Variants in NUP214 observed in about 807,000 individuals in gnomAD.
NUP214 encodes nucleoporin 214.
A neutral mutation model predicts 196.2 loss-of-function variants in NUP214; 79 were observed. The observed-to-expected ratio is 0.40, with a 90% CI of 0.34 to 0.49. The LOEUF (loss-of-function observed/expected upper bound fraction) is 0.49, where lower values mean the gene tolerates loss of function less well. Among genes scored for constraint, NUP214 ranks in the 20% least tolerant of loss-of-function variants. The pLI is 0.58. For missense variants in NUP214, 2,468 were observed against 2,539.0 expected (o/e 0.97, Z 0.60); for synonymous variants, 1,020 against 990.5 (o/e 1.03, Z -0.56).
intron 14 of NUP214, among the ~76,000 whole-genome samples, chr9:131,148,502 A>T (rs1473000619): frequency 6.6e-6 from 1 of 152,118 alleles, no homozygotes; most frequent in African/African-American, 2.4e-5. Flanking sequence ...TGGGTCATAG[A>T]ATCTGCATGT....
chr9:131,198,252 C>G lies in NUP214; in HGVS notation c.4758C>G (p.Ser1586=). 1.9e-6 allele frequency: 3 copies of G among 1,614,218 alleles called. No homozygotes were observed. The highest frequency in any genetic ancestry group is 2.5e-6 in the Non-Finnish European group (3 of 1,180,048). The change falls in exon 29 of 36, where the codon TCC becomes TCG. Residue 1586 remains serine, a synonymous_variant. Coordinates refer to ENST00000359428, the MANE Select transcript of NUP214 (RefSeq NM_005085.4). ...DARTEAVPPA[S]SFSVPGQTAV... The stretch of plus-strand genomic sequence containing the variant: ...GGACGGAGGCAGTACCACCTGCTTC[C>G]TCCTTTTCTGTGCCTGGGCAGACTG...
At position 131,232,413 on chromosome 9, in the gene NUP214, GT is replaced by G; in HGVS notation, c.6239+110del. 8.2e-7 allele frequency: 1 copy of G among 1,219,006 alleles called. No homozygotes were observed. 75.5% of individuals were successfully genotyped at this position (1,219,006 alleles called of 1,614,324 possible). On this transcript the variant is annotated intron_variant, in intron 35 of 35. Transcript: ENST00000359428. The surrounding 1 kb of genome is among the most constrained non-coding windows in gnomAD (Gnocchi z 5.1). ...GTGCATTTTCTTTTCGTTTTTTCCTGTTTTTAGAGTTTGTCCTGGAAGTGTG... is the reference window on the plus strand; with the variant it reads ...GTGCATTTTCTTTTCGTTTTTTCCTGTTTTAGAGTTTGTCCTGGAAGTGTG...
chr9:131,130,696 C>A, intron 4 of NUP214, 70 bp from the exon 5 acceptor site: 1 of 1,298,180 alleles, frequency 7.7e-7, no homozygotes. Context: ...TGATAATTAG[C>A]TGTGTGTGAT....
At position 131,198,209 on chromosome 9, in the gene NUP214, C is replaced by G; in HGVS notation, c.4715C>G (p.Thr1572Arg). 1 of 1,614,234 alleles carries G rather than the reference C, an allele frequency of 6.2e-7. No homozygotes were observed. The change falls in exon 29 of 36, where the codon ACG becomes AGG. Residue 1572 changes from threonine to arginine, a missense_variant. This residue lies in a region of NUP214 where 1,801 missense variants were observed against 1,779.4 expected (regional missense o/e 1.01). Transcript: ENST00000359428. ...ALSAEATPAT[T>R]GVPDARTEAV... ...TCTGCAGAGGCTACCCCAGCCACCA[C>G]GGGGGTCCCTGATGCCAGGACGGAG... is the stretch of plus-strand genomic sequence containing the variant.
chr9:131,134,369 A>G (rs907718299), intron 7 of NUP214, among the ~76,000 whole-genome samples: 1 of 152,212 alleles, frequency 6.6e-6, no homozygotes, highest in African/African-American at 2.4e-5. Flanking sequence ...TTGTGTGTCA[A>G]GGGAGGCCAA....
At position 131,133,192 on chromosome 9, in the gene NUP214, G is replaced by T; in HGVS notation, c.814G>T (p.Val272Leu). 6.3e-7 allele frequency: 1 copy of T among 1,581,996 alleles called. No individual in the cohort carries two copies. Among genetic ancestry groups the T allele is most frequent in the Non-Finnish European group, 8.6e-7 (1 of 1,168,594 alleles). The change falls in exon 7 of 36, where the codon GTG becomes TTG. Residue 272 changes from valine (V) to leucine (L), a missense_variant. Transcript: ENST00000359428. ...GACCCTGGAAACGTCTCCAGATGTG[G>T]TGATGGCTCTACTACCGGTATGCCT... is the stretch of plus-strand genomic sequence containing the variant. ...DGTLETSPDVVMALLPKKEEK... is the reference protein window; with the variant it reads ...DGTLETSPDVLMALLPKKEEK...
chr9:131,184,862 G>T (rs1404084107), intron 24 of NUP214, among the ~76,000 whole-genome samples: 1 of 152,180 alleles, frequency 6.6e-6, no homozygotes, highest in Non-Finnish European at 1.5e-5. Context: ...CCCAAGAATT[G>T]AATATAGAGT....
intron 24 of NUP214, among the ~76,000 whole-genome samples, chr9:131,182,578 T>A (rs1160428985): frequency 6.6e-6 from 1 of 152,220 alleles, no homozygotes; most frequent in East Asian, 1.9e-4. Context: ...AAATTGTCTT[T>A]CACAAAACCA....
At chr9:131,200,262 C>G (rs1322480614) in intron 29 of NUP214, among the ~76,000 whole-genome samples, 2 of 152,366 alleles carry the variant, frequency 1.3e-5, no homozygotes, top group African/African-American at 4.8e-5. Flanking sequence ...TCTAAGCTCA[C>G]CTACCCAATC....
At position 131,125,632 on chromosome 9, in the gene NUP214, C is replaced by G. The variant is rs1182788577; in HGVS notation, c.-73C>G. 1.3e-6 allele frequency: 2 copies of G among 1,539,980 alleles called. No homozygotes were observed. The highest frequency in any genetic ancestry group is 2.5e-5 in the East Asian group (1 of 39,400). ...GCGCTGAGGGGAGGAAGTTTGCTGT[C>G]GAGCGGCCTGGGTTCCGTGGGCAAG... On this transcript the variant is annotated 5_prime_UTR_variant, in exon 1 of 36. Coordinates refer to ENST00000359428, the MANE Select transcript of NUP214 (RefSeq NM_005085.4). This position sits in a 1 kb window ranked among gnomAD's most constrained non-coding sequence, Gnocchi z 4.1.
chr9:131,218,252 G>GTA (rs1476994977), intron 31 of NUP214, among the ~76,000 whole-genome samples: 1 of 152,170 alleles, frequency 6.6e-6, no homozygotes, highest in African/African-American at 2.4e-5. Flanking sequence ...GGTACTAGGT[G>GTA]TATGATTCAA....
At chr9:131,178,843 A>G (rs1467624159) in intron 24 of NUP214, among the ~76,000 whole-genome samples, 1 of 150,040 alleles carries the variant, frequency 6.7e-6, no homozygotes, top group Non-Finnish European at 1.5e-5. Context: ...TGTTCTTCCC[A>G]TTTCTTTTGC....
At chr9:131,174,443 T>C (rs1300417839) in intron 22 of NUP214, 125 bp downstream of exon 22, 23 of 545,854 alleles carry the variant, frequency 4.2e-5, no homozygotes, top group Admixed American at 1.1e-4. Context: ...TTTTTTTTTT[T>C]TTTCTTTTTT....
intron 31 of NUP214, among the ~76,000 whole-genome samples, chr9:131,221,148 C>T (rs1048826270): frequency 3.3e-5 from 5 of 152,096 alleles, no homozygotes; most frequent in African/African-American, 7.2e-5. Context: ...TGGGCTAGCT[C>T]GATAAGGGGA....
chr9:131,130,132 G>GTTTTTTTTTTTTTTTTTTT (rs1245763919), intron 4 of NUP214, among the ~76,000 whole-genome samples: 6 of 46,550 alleles, frequency 1.3e-4, no homozygotes, highest in Non-Finnish European at 2.6e-4. Flanking sequence ...ATGATTTCTG[G>GTTTTTTTTTTTTTTTTTTT]TTTTGTTTTT....
At position 131,151,717 on chromosome 9, in the gene NUP214, AT is replaced by A; in HGVS notation, c.2278-17del. 4.4e-6 allele frequency: 7 copies of A among 1,590,500 alleles called. No homozygotes were observed. Among genetic ancestry groups the A allele is most frequent in the Non-Finnish European group, 6.0e-6 (7 of 1,172,060 alleles). Reference sequence around the variant, plus strand: ...ACGTAACAACTTTTTGTACCAACACATTATTGTACTTTTTCTAGTCGCTTCA... The same window carrying A: ...ACGTAACAACTTTTTGTACCAACACATATTGTACTTTTTCTAGTCGCTTCA... On this transcript the variant is annotated intron_variant, in intron 16 of 35. Coordinates refer to ENST00000359428, the MANE Select transcript of NUP214 (RefSeq NM_005085.4).
intron 8 of NUP214, 169 bp downstream of exon 8, chr9:131,135,173 TG>T (rs1434764382): frequency 1.8e-6 from 1 of 542,278 alleles, no homozygotes; most frequent in East Asian, 3.0e-5. Flanking sequence ...CACAGAAGCC[TG>T]GAACTCCCAG....
In NUP214 at chr9:131,141,593, C is replaced by T. The variant is rs186725212; in HGVS notation, c.1294+883C>T. On this transcript the variant is annotated intron_variant, in intron 11 of 35. Transcript: ENST00000359428. ...TAATCTCCCAGGCTCAGGCAGTCAC[C>T]TAAGCCTCCCAAGTAGCTGGAACTA... 14 of 151,500 alleles carry T rather than the reference C, an allele frequency of 9.2e-5. No individual in the cohort carries two copies. In the East Asian group the frequency reaches 2.5e-3, roughly 27 times the overall value. The allele number at this position is 151,500 out of a possible 1,614,324, so 9.4% of individuals were successfully genotyped here.
Position 131,187,364 on chromosome 9 carries a change from G to A in NUP214, c.3495G>A (p.Gln1165=). The A allele has an allele frequency of 6.3e-7, 1 of 1,580,650 alleles. No homozygotes were observed. The highest frequency in any genetic ancestry group is 8.7e-7 in the Non-Finnish European group (1 of 1,151,894). Residue 1165 remains glutamine, a splice_region_variant and synonymous_variant, in exon 25 of 36, where the codon CAG becomes CAA. Transcript: ENST00000359428. ...LTPVAANQAK[Q]GSLINSLKPS... is the part of the protein sequence containing the mutation. ...CAGTGGCTGCTAACCAAGCCAAGCAGGTAACTTACTGATTTTTACTTTTTT... is the reference window on the plus strand; with the variant it reads ...CAGTGGCTGCTAACCAAGCCAAGCAAGTAACTTACTGATTTTTACTTTTTT...
Sources: gnomAD v4.1 joint callset for allele counts (sites outside exome capture counted in the v4.1 genomes callset) on GRCh38, gnomAD v4.1.1 for gene constraint, gnomAD v4.1.1 regional missense constraint, Gnocchi (gnomAD v3.1) non-coding constraint, MANE v1.5 for transcripts, NCBI Gene and HGNC (gene_info 2026-07-23, HGNC 2026-07-21) for gene names.